FNIP1: variants seen among roughly 807,000 people sequenced by gnomAD.
The protein encoded by FNIP1 is folliculin interacting protein 1, also known as folliculin-interacting protein 1.
In FNIP1, 40 loss-of-function variants were observed where a neutral mutation model predicts 124.5. The ratio of observed to expected loss-of-function variants is 0.32; its 90% CI spans 0.25 to 0.42. The LOEUF (loss-of-function observed/expected upper bound fraction) is 0.42. Among genes scored for constraint, FNIP1 ranks in the 10% least tolerant of loss-of-function variants. The pLI is 1.00. For missense variants in FNIP1, 1,176 were observed against 1,403.7 expected (o/e 0.84, Z 2.59); for synonymous variants, 472 against 470.6 (o/e 1.00, Z -0.04).
Position 131,641,896 on chromosome 5 carries a change from A to G in FNIP1, c.*2789T>C, listed in dbSNP as rs1051887589. ...CATCTACCAGAAGTAGGCATTATGT[A>G]AAATCTGTTTTTTTAAGTGATCATC... On this transcript the variant is annotated 3_prime_UTR_variant, in exon 18 of 18. Coordinates refer to ENST00000510461, the MANE Select transcript of FNIP1 (RefSeq NM_133372.3). 2 of 152,758 alleles carry G rather than the reference A, an allele frequency of 1.3e-5. No individual in the cohort carries two copies. Among genetic ancestry groups the G allele is most frequent in the Non-Finnish European group, 2.9e-5 (2 of 68,024 alleles). The allele number at this position is 152,758 out of a possible 1,614,324, so 9.5% of individuals were successfully genotyped here. A position where few individuals can be genotyped will look rare whatever the true frequency, so the allele number is the denominator to read the frequency against.
intron 1 of FNIP1, among the ~76,000 whole-genome samples, chr5:131,756,215 A>T (rs1771047688): frequency 6.6e-6 from 1 of 152,132 alleles, no homozygotes. Flanking sequence ...AAGAGCTGAG[A>T]AAGACAGTAT....
chr5:131,716,642 A>G lies in FNIP1; in HGVS notation c.545T>C (p.Leu182Pro). The G allele has an allele frequency of 1.3e-6, 2 of 1,598,854 alleles. No homozygotes were observed. The highest frequency in any genetic ancestry group is 4.5e-5 in the East Asian group (2 of 44,008). Residue 182 changes from leucine (L) to proline (P), a missense_variant, in exon 6 of 18, where the codon CTT (leucine) becomes CCT (proline). Leu to Pro is a moderately conservative substitution (Grantham distance 98, BLOSUM62 -3). Coordinates refer to ENST00000510461, the MANE Select transcript of FNIP1 (RefSeq NM_133372.3). ...CGSLNTLQDS[L>P]EFINQDNNTL... ...ATTGTTGTCCTGATTGATGAATTCA[A>G]GACTATCTTGTAGCCTATGGAGGGT...
intron 2 of FNIP1, among the ~76,000 whole-genome samples, chr5:131,733,577 T>C (rs1413841801): frequency 6.6e-6 from 1 of 152,232 alleles, no homozygotes; most frequent in Non-Finnish European, 1.5e-5. Context: ...TCTGCATCTA[T>C]TGAGATAATC....
chr5:131,669,096 T>C (rs1427125353), intron 15 of FNIP1, among the ~76,000 whole-genome samples: 1 of 152,128 alleles, frequency 6.6e-6, no homozygotes, highest in Non-Finnish European at 1.5e-5. Flanking sequence ...TTCTAGTAAA[T>C]TAGGCCACTT....
chr5:131,738,728 A>G (rs1580799544), intron 2 of FNIP1, among the ~76,000 whole-genome samples: 1 of 146,178 alleles, frequency 6.8e-6, no homozygotes, highest in Non-Finnish European at 1.5e-5. Flanking sequence ...CTGGTCTTGA[A>G]CTCCCGACCT....
chr5:131,694,266 C>T (rs1446269500), intron 11 of FNIP1, among the ~76,000 whole-genome samples: 2 of 152,152 alleles, frequency 1.3e-5, no homozygotes, highest in Non-Finnish European at 2.9e-5. Context: ...AAACCCCAAA[C>T]ATGAATATTT....
intron 6 of FNIP1, among the ~76,000 whole-genome samples, chr5:131,711,457 T>C (rs955487641): frequency 1.3e-5 from 2 of 152,238 alleles, no homozygotes; most frequent in African/African-American, 2.4e-5. Context: ...TAGGATGGAA[T>C]ACGGGGCTTT....
At chr5:131,693,317 C>CATATATAT (rs1561658252) in intron 11 of FNIP1, among the ~76,000 whole-genome samples, 5 of 41,590 alleles carry the variant, frequency 1.2e-4, no homozygotes, top group Admixed American at 7.6e-4. Context: ...TATATATATA[C>CATATATAT]ACATATATAT....
At chr5:131,767,049 C>T (rs1354360655) in intron 1 of FNIP1, among the ~76,000 whole-genome samples, 1 of 152,128 alleles carries the variant, frequency 6.6e-6, no homozygotes, top group African/African-American at 2.4e-5. Context: ...ATAATCCAGT[C>T]AGGCTGAGAC....
In FNIP1 at chr5:131,669,165, T is replaced by C. The variant is rs189346842; in HGVS notation, c.3108+1298A>G. On this transcript the variant is annotated intron_variant, in intron 15 of 17. Transcript: ENST00000510461. ...TTACCAAAATGGACTCAGAAACAAA[T>C]AGAAAATCTAAATGTATAAAAGGTG... is the stretch of plus-strand genomic sequence containing the variant. Among the ~76,000 whole-genome samples the C allele has an allele frequency of 2.0e-3, 298 of 152,202 alleles. 1 individual carries two copies. The highest frequency in any genetic ancestry group is 6.2e-3 in the African/African-American group (259 of 41,544).
chr5:131,646,031 T>A (rs1766870119), intron 17 of FNIP1, among the ~76,000 whole-genome samples: 1 of 152,178 alleles, frequency 6.6e-6, no homozygotes, highest in South Asian at 2.1e-4. Flanking sequence ...TTGGTTACAT[T>A]TATGTTACTT....
intron 11 of FNIP1, among the ~76,000 whole-genome samples, chr5:131,692,948 T>C (rs1183306225): frequency 1.9e-4 from 28 of 151,096 alleles, no homozygotes. Flanking sequence ...GTGGAAGTTG[T>C]AGTGAACCAA....
chr5:131,678,002 G>A (rs1041511762), intron 12 of FNIP1, 130 bp from the exon 13 acceptor site: 1 of 802,946 alleles, frequency 1.2e-6, no homozygotes, highest in East Asian at 2.7e-5. Flanking sequence ...AAGGAGAAGA[G>A]AGAGGAAAGG....
chr5:131,783,818 G>C (rs1467997878), intron 1 of FNIP1, among the ~76,000 whole-genome samples: 4 of 152,016 alleles, frequency 2.6e-5, no homozygotes, highest in Non-Finnish European at 1.5e-5. Context: ...ATCTAGAATT[G>C]TGTACTTAGC....
chr5:131,652,391 T>C (rs1767065091), intron 15 of FNIP1, among the ~76,000 whole-genome samples: 2 of 152,212 alleles, frequency 1.3e-5, no homozygotes, highest in Non-Finnish European at 2.9e-5. Flanking sequence ...AGTCTTGCTC[T>C]GTAGCCAGGC....
At chr5:131,735,592 TTA>T (rs1047705687) in intron 2 of FNIP1, among the ~76,000 whole-genome samples, 4 of 148,758 alleles carry the variant, frequency 2.7e-5, no homozygotes, top group Admixed American at 6.8e-5. Flanking sequence ...ATACACGTAT[TTA>T]TATATGTATA....
chr5:131,771,567 C>A (rs998725974), intron 1 of FNIP1, among the ~76,000 whole-genome samples: 2 of 152,210 alleles, frequency 1.3e-5, no homozygotes, highest in African/African-American at 4.8e-5. Context: ...AGTCAACCTA[C>A]TAAGTCTACT....
chr5:131,780,629 T>C (rs891489339), intron 1 of FNIP1, among the ~76,000 whole-genome samples: 2 of 152,164 alleles, frequency 1.3e-5, no homozygotes, highest in Non-Finnish European at 2.9e-5. Flanking sequence ...TGACCTATTA[T>C]GGTGATCTGT....
chr5:131,757,129 C>A (rs1016322268), intron 1 of FNIP1, among the ~76,000 whole-genome samples: 1 of 152,118 alleles, frequency 6.6e-6, no homozygotes, highest in African/African-American at 2.4e-5. Flanking sequence ...AAAACAAACA[C>A]ATATAGTGGT....
Sources: allele counts gnomAD v4.1 joint callset (sites outside exome capture counted in the v4.1 genomes callset), GRCh38; gene constraint gnomAD v4.1.1; transcripts MANE v1.5; gene names NCBI Gene and HGNC (gene_info 2026-07-23, HGNC 2026-07-21).